TTN: variants seen among roughly 807,000 people sequenced by gnomAD.
TTN encodes the protein titin, also known as connectin.
Under a neutral mutation model 3,223.0 loss-of-function variants are expected in TTN, and 1,525 were observed. That is an observed-to-expected ratio of 0.47 (90% confidence interval 0.45 to 0.49). The LOEUF (loss-of-function observed/expected upper bound fraction) is 0.49, where lower values mean the gene tolerates loss of function less well. TTN is among the 20% of genes least tolerant of loss of function. The probability of loss-of-function intolerance (pLI) is 0.00; values close to 1 mark genes in which losing one functional copy is unlikely to be tolerated. For missense variants in TTN, 40,786 were observed against 43,424.0 expected, an observed-to-expected ratio of 0.94 and a Z score of 5.40; for synonymous variants, 14,094 against 15,161.0, an observed-to-expected ratio of 0.93 and a Z score of 5.17.
At chr2:178,593,519 T>A in intron 298 of TTN, 44 bp from the exon 299 acceptor site, 1 of 1,597,776 alleles carries the variant, frequency 6.3e-7, no homozygotes, top group South Asian at 1.2e-5. Flanking sequence ...TATTTCTTTA[T>A]ATTAGTTTTA....
In TTN at chr2:178,740,020, C is replaced by T. The variant is rs794729253; in HGVS notation, c.13213G>A (p.Ala4405Thr). The change falls in exon 48 of 363, where the codon GCA becomes ACA. Residue 4405 changes from alanine (A) to threonine (T), a missense_variant. Ala to Thr is a moderately conservative substitution (Grantham distance 58, BLOSUM62 0). Transcript: ENST00000589042. ...LKIQICRALQ[A>T]AVASEQPGLF... ...CCTGGCTGCTCGCTGGCCACGGCTG[C>T]TTGCAAAGCCCGGCAGATTTGAATT... 1 of 1,613,888 alleles carries T rather than the reference C, an allele frequency of 6.2e-7. No individual in the cohort carries two copies.
At chr2:178,795,776 C>T (rs948049913) in intron 6 of TTN, among the ~76,000 whole-genome samples, 1 of 151,966 alleles carries the variant, frequency 6.6e-6, no homozygotes, top group Admixed American at 6.6e-5. Flanking sequence ...GTCAGTATGC[C>T]TTGTGAATTT....
intron 282 of TTN, 137 bp from the exon 283 acceptor site, chr2:178,602,727 G>A: frequency 1.5e-6 from 1 of 673,022 alleles, no homozygotes. Context: ...AAATACAGTT[G>A]CCTTCTAGAG....
Position 178,609,181 on chromosome 2 carries a change from T to C in TTN, c.52102+27A>G, listed in dbSNP as rs769767132. 25 of 1,469,854 alleles carry C rather than the reference T, an allele frequency of 1.7e-5. No individual in the cohort carries two copies. In the South Asian group the frequency reaches 2.0e-4, roughly 12 times the overall value. 91.1% of individuals were successfully genotyped at this position (1,469,854 alleles called of 1,614,324 possible). On this transcript the variant is annotated intron_variant, in intron 273 of 362. Transcript: ENST00000589042. Reference sequence around the variant, plus strand: ...TATGTTTTACTAAAACCTTTTTCCATTGGAAAGTGTAGTTTTAATGACTCA... The same window carrying C: ...TATGTTTTACTAAAACCTTTTTCCACTGGAAAGTGTAGTTTTAATGACTCA...
chr2:178,538,953 A>T lies in TTN; in HGVS notation c.98982T>A (p.Asp32994Glu). ...SPASEPVVCK[D>E]PFDKPSQPGE... ...TTCTTCTGAATTCCTTACCAAATGG[A>T]TCTTTGCAAACAACTGGTTCAGAAG... is the stretch of plus-strand genomic sequence containing the variant. Residue 32994 changes from aspartate to glutamate, a missense_variant, in exon 353 of 363, where the codon GAT becomes GAA. Asp to Glu is a conservative substitution (Grantham distance 45, BLOSUM62 2). Coordinates refer to ENST00000589042, the MANE Select transcript of TTN (RefSeq NM_001267550.2). The T allele has an allele frequency of 6.2e-7, 1 of 1,605,810 alleles. No homozygotes were observed. Among genetic ancestry groups the T allele is most frequent in the Non-Finnish European group, 8.5e-7 (1 of 1,173,716 alleles).
chr2:178,566,435 A>G lies in TTN; in HGVS notation c.79697T>C (p.Leu26566Pro). ...HQEYKIRVCA[L>P]NKVGLGEATS... ...AGCCTCACCTAAACCAACTTTGTTG[A>G]GGGCACAGACTCGTATTTTATACTC... Residue 26566 changes from leucine (L) to proline (P), a missense_variant, in exon 326 of 363, where the codon CTC becomes CCC. Transcript: ENST00000589042. 1.7e-5 allele frequency: 27 copies of G among 1,613,448 alleles called. No individual in the cohort carries two copies. Among genetic ancestry groups the G allele is most frequent in the Non-Finnish European group, 2.2e-5 (26 of 1,179,670 alleles).
chr2:178,641,180 C>T, intron 220 of TTN, 61 bp downstream of exon 220: 2 of 1,149,498 alleles, frequency 1.7e-6, no homozygotes, highest in Non-Finnish European at 2.5e-6. Flanking sequence ...CAAGATAAAC[C>T]TTTTGTTAAA....
Position 178,795,165 on chromosome 2 carries a change from G to A in TTN, c.1002C>T (p.Thr334=), listed in dbSNP as rs148094198. ...PLLMRKTQAS[T]VATGPEVPPP... The stretch of plus-strand genomic sequence containing the variant: ...GAGGCACTTCAGGACCTGTGGCCAC[G>A]GTGGATGCCTGAGTCTTACGCATGA... Residue 334 remains threonine, a synonymous_variant, in exon 7 of 363, where the codon ACC becomes ACT. Transcript: ENST00000589042. 2.8e-4 allele frequency: 444 copies of A among 1,614,134 alleles called. 1 individual carries two copies. The African/African-American group carries it at 4.3e-3, about 16-fold the overall frequency.
At chr2:178,748,067 AC>A (rs766669231) in intron 47 of TTN, 13 of 1,612,658 alleles carry the variant, frequency 8.1e-6, no homozygotes, top group Non-Finnish European at 1.0e-5. Context: ...CATTTCACCA[AC>A]CCCTAAAGGC....
rs770412935 is a variant in TTN at position 178,593,420 on chromosome 2, T to C, written c.58788A>G (p.Ala19596=). 1.2e-6 allele frequency: 2 copies of C among 1,613,346 alleles called. No individual in the cohort carries two copies. Among genetic ancestry groups the C allele is most frequent in the East Asian group, 2.2e-5 (1 of 44,696 alleles). ...PIVTEVTKDS[A]LVTWNKPHDG... ...CATGTGGCTTATTCCAGGTTACTAATGCAGAGTCTTTGGTAACTTCTGTAA... is the reference window on the plus strand; with the variant it reads ...CATGTGGCTTATTCCAGGTTACTAACGCAGAGTCTTTGGTAACTTCTGTAA... The change falls in exon 299 of 363, where the codon GCA becomes GCG. Residue 19596 remains alanine, a synonymous_variant. Transcript: ENST00000589042.
chr2:178,666,641 CTG>C (rs1301811409), intron 163 of TTN, among the ~76,000 whole-genome samples, 181 bp downstream of exon 163: 1 of 152,146 alleles, frequency 6.6e-6, no homozygotes, highest in Non-Finnish European at 1.5e-5. Context: ...TTTTTTCCCT[CTG>C]TTGTCTCTTG....
At position 178,794,946 on chromosome 2, in the gene TTN, C is replaced by T. The variant is rs56349212; in HGVS notation, c.1221G>A (p.Glu407=). The change falls in exon 7 of 363, where the codon GAG becomes GAA. Residue 407 remains glutamate (E), a synonymous_variant. Coordinates refer to ENST00000589042, the MANE Select transcript of TTN (RefSeq NM_001267550.2). ...CCTCTTTAGCACCAGTGGCAACAGC[C>T]TCTGCTGCGTAGCTAGCACTGGCCG... ...SVSASASYAA[E]AVATGAKEVK... 24 of 1,603,444 alleles carry T rather than the reference C, an allele frequency of 1.5e-5. No individual in the cohort carries two copies. The East Asian group carries it at 5.1e-4, about 34-fold the overall frequency.
At position 178,766,420 on chromosome 2, in the gene TTN, C is replaced by A. The variant is rs1157020180; in HGVS notation, c.9664G>T (p.Ala3222Ser). Reference protein sequence around the residue: ...QSDAGEYTFVAGRNRSSVTLY... With the variant: ...QSDAGEYTFVSGRNRSSVTLY... ...GTGACAGAACTCCTGTTCCTTCCTG[C>A]CACAAAGGTGTATTCTCCTGCATCG... The change falls in exon 41 of 363, where the codon GCA becomes TCA. Residue 3222 changes from alanine to serine, a missense_variant. Transcript: ENST00000589042. 1 of 1,614,066 alleles carries A rather than the reference C, an allele frequency of 6.2e-7. No homozygotes were observed. Among genetic ancestry groups the A allele is most frequent in the African/African-American group, 1.3e-5 (1 of 75,036 alleles).
At position 178,723,118 on chromosome 2, in the gene TTN, C is replaced by A. The variant is rs760654464; in HGVS notation, c.21889G>T (p.Ala7297Ser). 14 of 1,613,502 alleles carry A rather than the reference C, an allele frequency of 8.7e-6. No individual in the cohort carries two copies. The highest frequency in any genetic ancestry group is 1.2e-5 in the Non-Finnish European group (14 of 1,179,678). Reference protein sequence around the residue: ...LEILNSTKRDAGQYSCEIENE... With the variant: ...LEILNSTKRDSGQYSCEIENE... Reference sequence around the variant, plus strand: ...TCAATCTCGCAGGAATACTGCCCTGCATCTCTTTTTGTGCTATTCAGAATT... The same window carrying A: ...TCAATCTCGCAGGAATACTGCCCTGAATCTCTTTTTGTGCTATTCAGAATT... Residue 7297 changes from alanine (A) to serine (S), a missense_variant, in exon 75 of 363, where the codon GCA becomes TCA. Physicochemically the swap from Ala to Ser is moderately conservative, Grantham distance 99 (BLOSUM62 1). Coordinates refer to ENST00000589042, the MANE Select transcript of TTN (RefSeq NM_001267550.2).
chr2:178,563,158 T>C lies in TTN; in HGVS notation c.82974A>G (p.Ala27658=). The C allele has an allele frequency of 6.2e-7, 1 of 1,613,740 alleles. No individual in the cohort carries two copies. The highest frequency in any genetic ancestry group is 2.2e-5 in the East Asian group (1 of 44,868). ...GAGCAACCACTGAGCCAGGTAGAGT[T>C]GCAGGTTCACCTACACCTTCAGAAT... ...AINSEGVGEP[A]TLPGSVVAQE... The change falls in exon 326 of 363, where the codon GCA becomes GCG. Residue 27658 remains alanine (A), a synonymous_variant. Transcript: ENST00000589042. This position sits in a 1 kb window ranked among gnomAD's most constrained non-coding sequence, Gnocchi z 4.5.
intron 2 of TTN, among the ~76,000 whole-genome samples, chr2:178,803,958 C>T (rs993772793): frequency 6.6e-6 from 1 of 151,964 alleles, no homozygotes; most frequent in Non-Finnish European, 1.5e-5. Flanking sequence ...AATAGAGACA[C>T]CCGAGAAGCA....
Position 178,583,062 on chromosome 2 carries a change from A to G in TTN, c.65741T>C (p.Met21914Thr). 1 of 1,611,566 alleles carries G rather than the reference A, an allele frequency of 6.2e-7. No homozygotes were observed. The highest frequency in any genetic ancestry group is 1.1e-5 in the South Asian group (1 of 90,850). The change falls in exon 313 of 363, where the codon ATG becomes ACG. Residue 21914 changes from methionine (M) to threonine (T), a missense_variant. Physicochemically the swap from Met to Thr is moderately conservative, Grantham distance 81 (BLOSUM62 -1). Coordinates refer to ENST00000589042, the MANE Select transcript of TTN (RefSeq NM_001267550.2). Reference sequence around the variant, plus strand: ...CTCCAAGGTGCACAGATTCCGCTGCATGGCCATCTTTATGCCTTCTGCTGG... The same window carrying G: ...CTCCAAGGTGCACAGATTCCGCTGCGTGGCCATCTTTATGCCTTCTGCTGG... ...LKPAEGIKMA[M>T]QRNLCTLELF... is the part of the protein sequence containing the mutation.
chr2:178,764,586 G>T lies in TTN; in HGVS notation c.9929C>A (p.Thr3310Asn), dbSNP rs1433903188. Reference sequence around the variant, plus strand: ...ACCATAGTCATTCTTGGCTTCACAGGTATAGACTGCCGCATCCTCTGGGAA... The same window carrying T: ...ACCATAGTCATTCTTGGCTTCACAGTTATAGACTGCCGCATCCTCTGGGAA... ...EAFPEDAAVYTCEAKNDYGVA... is the reference protein window; with the variant it reads ...EAFPEDAAVYNCEAKNDYGVA... The change falls in exon 42 of 363, where the codon ACC becomes AAC. Residue 3310 changes from threonine to asparagine, a missense_variant. Transcript: ENST00000589042. 4.3e-6 allele frequency: 7 copies of T among 1,614,018 alleles called. No individual in the cohort carries two copies. The highest frequency in any genetic ancestry group is 5.9e-6 in the Non-Finnish European group (7 of 1,180,008).
At position 178,624,161 on chromosome 2, in the gene TTN, G is replaced by GAT. The variant is rs201045637; in HGVS notation, c.44815+302_44815+303dup. On this transcript the variant is annotated intron_variant, in intron 242 of 362. Transcript: ENST00000589042. ...TTCAGTTTCTCCTCATCCATATCAG[G>GAT]ATATCCATACAGTAGGCTGACCCCA... 6.6e-5 allele frequency among the ~76,000 whole-genome samples: 10 copies of GAT among 151,930 alleles called. No homozygotes were observed. The East Asian group carries it at 2.0e-3, about 30-fold the overall frequency.
Sources: gnomAD v4.1 joint callset for allele counts (sites outside exome capture counted in the v4.1 genomes callset) on GRCh38, gnomAD v4.1.1 for gene constraint, Gnocchi (gnomAD v3.1) non-coding constraint, MANE v1.5 for transcripts, NCBI Gene and HGNC (gene_info 2026-07-23, HGNC 2026-07-21) for gene names.